LMNTD1: variants seen among roughly 807,000 people sequenced by gnomAD.
The protein encoded by LMNTD1 is lamin tail domain-containing protein 1.
In LMNTD1, 35 loss-of-function variants were observed where a neutral mutation model predicts 50.9. The observed-to-expected ratio is 0.69, with a 90% CI of 0.53 to 0.91. LMNTD1 has a LOEUF of 0.91. LMNTD1 is among the 40% of genes least tolerant of loss of function. The pLI, the probability that LMNTD1 is intolerant of heterozygous loss-of-function variation, is 0.00. For missense variants in LMNTD1, 470 were observed against 475.5 expected (o/e 0.99, Z 0.11); for synonymous variants, 153 against 161.9 (o/e 0.94, Z 0.42).
At chr12:25,601,776 T>G (rs1408825605) in intron 1 of LMNTD1, among the ~76,000 whole-genome samples, 1 of 151,940 alleles carries the variant, frequency 6.6e-6, no homozygotes, top group African/African-American at 2.4e-5. Context: ...TTTCTTTGAC[T>G]TATTTATTAA....
intron 2 of LMNTD1, 138 bp downstream of exon 2, chr12:25,552,733 T>A: frequency 4.8e-6 from 3 of 627,362 alleles, no homozygotes; most frequent in Non-Finnish European, 8.5e-6. Context: ...CAGTCCATTA[T>A]TTCTAGAAAA....
upstream of LMNTD1, among the ~76,000 whole-genome samples, chr12:25,555,842 C>T (rs117194203): frequency 7.0e-3 from 1,064 of 152,148 alleles, 7 homozygotes; most frequent in Middle Eastern, 0.017. Context: ...AAAATAGAAG[C>T]CTCAGTTTGG....
intron 3 of LMNTD1, among the ~76,000 whole-genome samples, chr12:25,546,904 A>G (rs1943469358): frequency 1.3e-5 from 2 of 151,704 alleles, no homozygotes; most frequent in African/African-American, 4.8e-5. Context: ...AAATTTAGAT[A>G]TGTTACATAT....
chr12:25,527,640 CTATATATATATATA>C lies in LMNTD1; in HGVS notation c.492-699_492-686del, dbSNP rs61347000. On this transcript the variant is annotated intron_variant, in intron 4 of 9. Transcript: ENST00000458174. The stretch of plus-strand genomic sequence containing the variant: ...CTTATATGCCAGGCACTTAATAACA[CTATATATATATATA>C]TATATATATATATATATATATATAT... Among the ~76,000 whole-genome samples, 66 of 61,720 alleles carry C rather than the reference CTATATATATATATA, an allele frequency of 1.1e-3. 1 individual carries two copies. Among genetic ancestry groups the C allele is most frequent in the Admixed American group, 4.1e-3 (20 of 4,924 alleles). The allele number at this position is 61,720 out of a possible 152,430, so 40.5% of individuals were successfully genotyped here.
At chr12:25,597,217 A>G (rs1945861077) in intron 1 of LMNTD1, among the ~76,000 whole-genome samples, 3 of 152,072 alleles carry the variant, frequency 2.0e-5, no homozygotes, top group Admixed American at 2.0e-4. Context: ...TTGAATGTAA[A>G]TGGACTAAAC....
intron 4 of LMNTD1, among the ~76,000 whole-genome samples, chr12:25,529,049 C>T (rs1027327693): frequency 2.0e-5 from 3 of 152,180 alleles, no homozygotes; most frequent in African/African-American, 7.2e-5. Flanking sequence ...CCTTCACAAT[C>T]GGTAAATTGA....
chr12:25,645,292 G>C (rs985521291), intron 1 of LMNTD1, among the ~76,000 whole-genome samples: 1 of 152,180 alleles, frequency 6.6e-6, no homozygotes, highest in African/African-American at 2.4e-5. Context: ...GGCAAAAAGA[G>C]AAGCAAGGTT....
At chr12:25,584,304 A>G (rs1945433656) in intron 1 of LMNTD1, among the ~76,000 whole-genome samples, 1 of 152,218 alleles carries the variant, frequency 6.6e-6, no homozygotes, top group African/African-American at 2.4e-5. Flanking sequence ...GAGGTAGGCT[A>G]AGTGGTTGAC....
intron 1 of LMNTD1, among the ~76,000 whole-genome samples, chr12:25,622,466 C>G (rs900241148): frequency 4.1e-5 from 5 of 121,294 alleles, no homozygotes; most frequent in Admixed American, 8.6e-5. Context: ...TTTGTGAGCC[C>G]GCCCCCCCCC....
chr12:25,579,157 T>C (rs1054630130), intron 1 of LMNTD1, among the ~76,000 whole-genome samples: 6 of 152,222 alleles, frequency 3.9e-5, no homozygotes, highest in Non-Finnish European at 7.3e-5. Flanking sequence ...AGTGTAAATA[T>C]ACACAGTCAG....
chr12:25,609,966 C>T (rs537660368), intron 1 of LMNTD1, among the ~76,000 whole-genome samples: 4 of 152,184 alleles, frequency 2.6e-5, no homozygotes, highest in Non-Finnish European at 5.9e-5. Context: ...TTTACAAAGG[C>T]AGGTGGGCCT....
chr12:25,500,133 T>A (rs1445408033), intron 9 of LMNTD1: 2 of 152,232 alleles, frequency 1.3e-5, no homozygotes, highest in Non-Finnish European at 2.9e-5. Context: ...AGCTTGGGGC[T>A]GAGAGGAGAA....
intron 1 of LMNTD1, among the ~76,000 whole-genome samples, chr12:25,640,165 G>T (rs1175099607): frequency 6.6e-6 from 1 of 152,128 alleles, no homozygotes; most frequent in Non-Finnish European, 1.5e-5. Flanking sequence ...GGAGTGGGAA[G>T]TGACTGCTAA....
intron 1 of LMNTD1, among the ~76,000 whole-genome samples, chr12:25,619,269 T>C (rs1027204828): frequency 1.0e-4 from 7 of 69,342 alleles, no homozygotes; most frequent in Admixed American, 8.3e-4. Context: ...TATATATATA[T>C]ATATATATAT....
intron 6 of LMNTD1, 73 bp downstream of exon 6, chr12:25,526,025 AT>A: frequency 7.9e-7 from 1 of 1,258,818 alleles, no homozygotes; most frequent in Non-Finnish European, 1.0e-6. Flanking sequence ...AATAAAAAGA[AT>A]AAAAAATACA....
At chr12:25,489,351 T>C (rs886075441) in intron 9 of LMNTD1, among the ~76,000 whole-genome samples, 1 of 151,358 alleles carries the variant, frequency 6.6e-6, no homozygotes, top group African/African-American at 2.4e-5. Context: ...TTTAAGCCGG[T>C]CTGAAAAGCG....
chr12:25,632,820 C>T (rs1333998382), intron 1 of LMNTD1, among the ~76,000 whole-genome samples: 2 of 152,096 alleles, frequency 1.3e-5, no homozygotes, highest in African/African-American at 2.4e-5. Context: ...CCTCATATTT[C>T]AATACTAACA....
At position 25,560,191 on chromosome 12, in the gene LMNTD1, C is replaced by A. The variant is rs557920948; in HGVS notation, c.59-13637G>T. Among the ~76,000 whole-genome samples the A allele has an allele frequency of 3.0e-4, 46 of 152,306 alleles. 1 individual carries two copies. The highest frequency in any genetic ancestry group is 9.9e-4 in the African/African-American group (41 of 41,562). On this transcript the variant is annotated intron_variant, in intron 1 of 7. Coordinates refer to the LMNTD1 transcript ENST00000445693. ...ATGGTTTTAGGTCTAACATTTAAGT[C>A]TTCAATCCATCTTGAATTAATTTTT...
intron 1 of LMNTD1, among the ~76,000 whole-genome samples, chr12:25,596,065 C>A (rs991042487): frequency 2.5e-4 from 38 of 151,932 alleles, no homozygotes; most frequent in African/African-American, 8.9e-4. Context: ...CTGAACAGAC[C>A]AATAACAAGC....
Sources: allele counts gnomAD v4.1 joint callset (sites outside exome capture counted in the v4.1 genomes callset), GRCh38; gene constraint gnomAD v4.1.1; transcripts MANE v1.5; gene names NCBI Gene and HGNC (gene_info 2026-07-23, HGNC 2026-07-21).